Variants in CARF observed in about 807,000 individuals in gnomAD.
The protein encoded by CARF is calcium-responsive transcription factor.
A neutral mutation model predicts 82.0 loss-of-function variants in CARF; 57 were observed. The ratio of observed to expected loss-of-function variants is 0.70; its 90% CI spans 0.56 to 0.87. The LOEUF is 0.87. Ranked by LOEUF, CARF falls within the 40% of genes least tolerant of loss-of-function variation. The pLI, the probability that CARF is intolerant of heterozygous loss-of-function variation, is 0.00. For missense variants in CARF, 771 were observed against 855.8 expected (o/e 0.90, Z 1.24); for synonymous variants, 268 against 290.1 (o/e 0.92, Z 0.77).
chr2:202,946,221 A>G (rs1269355649), intron 5 of CARF, among the ~76,000 whole-genome samples: 1 of 152,228 alleles, frequency 6.6e-6, no homozygotes, highest in African/African-American at 2.4e-5. Flanking sequence ...ACAAAGCTAG[A>G]GGCATCATGT....
At chr2:202,942,691 TA>T (rs534752945) in intron 4 of CARF, 48 bp from the exon 5 acceptor site, 73 of 1,369,836 alleles carry the variant, frequency 5.3e-5, no homozygotes, top group Middle Eastern at 1.9e-4. Flanking sequence ...TACACATCTT[TA>T]AAAAAAATGG....
At chr2:202,945,597 A>G (rs1296029326) in intron 5 of CARF, among the ~76,000 whole-genome samples, 2 of 152,290 alleles carry the variant, frequency 1.3e-5, no homozygotes, top group East Asian at 3.9e-4. Flanking sequence ...TTTGCTAAGG[A>G]TAGTAGCCTC....
chr2:202,969,842 T>C (rs2059711134), intron 10 of CARF, 77 bp from the exon 11 acceptor site: 1 of 958,934 alleles, frequency 1.0e-6, no homozygotes, highest in Non-Finnish European at 1.5e-6. Flanking sequence ...ATGCTTAAAG[T>C]AGACTTCTGG....
Position 202,955,732 on chromosome 2 carries a change from T to G in CARF, c.616T>G (p.Trp206Gly). ...LQPLSSNTPI[W>G]ACRLRSCEKI... Reference sequence around the variant, plus strand: ...GCCACTTTCTTCTAATACACCTATATGGGCCTGCCGTCTTAGGAGCTGTGA... The same window carrying G: ...GCCACTTTCTTCTAATACACCTATAGGGGCCTGCCGTCTTAGGAGCTGTGA... Residue 206 changes from tryptophan to glycine, a missense_variant, in exon 8 of 17, where the codon TGG becomes GGG. By Grantham distance (184) the Trp-to-Gly change is radical (BLOSUM62 -2). Transcript: ENST00000438828. 6.2e-7 allele frequency: 1 copy of G among 1,612,358 alleles called. No homozygotes were observed. Among genetic ancestry groups the G allele is most frequent in the East Asian group, 2.2e-5 (1 of 44,752 alleles).
At chr2:202,921,507 A>T (rs1296839693) in intron 2 of CARF, among the ~76,000 whole-genome samples, 1 of 152,214 alleles carries the variant, frequency 6.6e-6, no homozygotes, top group East Asian at 1.9e-4. Flanking sequence ...CTGTGATATC[A>T]TGAAATAAAC....
At chr2:202,974,241 A>C in intron 12 of CARF, 93 bp from the exon 13 acceptor site, 1 of 864,996 alleles carries the variant, frequency 1.2e-6, no homozygotes, top group Non-Finnish European at 1.7e-6. Flanking sequence ...TACTTTATAG[A>C]AGTTTATACT....
chr2:202,928,445 C>T (rs1692264150), intron 3 of CARF, among the ~76,000 whole-genome samples: 1 of 152,118 alleles, frequency 6.6e-6, no homozygotes, highest in Non-Finnish European at 1.5e-5. Context: ...GGGAGTGCAG[C>T]TTTCTCCTTG....
At position 202,988,239 on chromosome 2, in the gene CARF, A is replaced by G. The variant is rs1210950542; in HGVS notation, c.*4615A>G. On this transcript the variant is annotated 3_prime_UTR_variant, in exon 17 of 17. Coordinates refer to ENST00000438828, the MANE Select transcript of CARF (RefSeq NM_024744.17). ...AATAGTTCTAGGCTATTATGAATAAAGTTTCCATGAACATCTATGTACAAG... is the reference window on the plus strand; with the variant it reads ...AATAGTTCTAGGCTATTATGAATAAGGTTTCCATGAACATCTATGTACAAG... Among the ~76,000 whole-genome samples, 3 of 152,216 alleles carry G rather than the reference A, an allele frequency of 2.0e-5. No homozygotes were observed. The highest frequency in any genetic ancestry group is 7.2e-5 in the African/African-American group (3 of 41,444).
chr2:202,939,674 T>C (rs956164068), intron 3 of CARF, among the ~76,000 whole-genome samples: 1 of 150,976 alleles, frequency 6.6e-6, no homozygotes, highest in Non-Finnish European at 1.5e-5. Flanking sequence ...ACTTACCCAT[T>C]GCCTTTTTTT....
chr2:202,913,011 T>G lies in CARF; in HGVS notation c.-421T>G, dbSNP rs1182282519. 1 of 152,250 alleles carries G rather than the reference T, an allele frequency of 6.6e-6. No homozygotes were observed. Among genetic ancestry groups the G allele is most frequent in the African/African-American group, 2.4e-5 (1 of 41,466 alleles). The allele number at this position is 152,250 out of a possible 1,614,324, so 9.4% of individuals were successfully genotyped here. A position where few individuals can be genotyped will look rare whatever the true frequency, so the allele number is the denominator to read the frequency against. ...GGAGGATGGATGGAGATAACTATCC[T>G]GATCCCAATGTCACTTTTTAAGGCA... On this transcript the variant is annotated 5_prime_UTR_variant, in exon 1 of 17. Coordinates refer to ENST00000438828, the MANE Select transcript of CARF (RefSeq NM_024744.17).
rs1226015107 is a variant in CARF at position 202,942,734 on chromosome 2, C to G, written c.79-6C>G. ...ACTGAAGTGATTTTTTTTTTCCTTA[C>G]AAAAGCATCTAATCTGTATGGACTC... is the stretch of plus-strand genomic sequence containing the variant. On this transcript the variant is annotated splice_region_variant and splice_polypyrimidine_tract_variant and intron_variant, in intron 4 of 16. Coordinates refer to ENST00000438828, the MANE Select transcript of CARF (RefSeq NM_024744.17). 3 of 1,548,288 alleles carry G rather than the reference C, an allele frequency of 1.9e-6. No homozygotes were observed. Among genetic ancestry groups the G allele is most frequent in the East Asian group, 2.3e-5 (1 of 43,162 alleles).
chr2:202,970,153 A>G (rs923180501), intron 11 of CARF, 91 bp downstream of exon 11: 1 of 1,202,170 alleles, frequency 8.3e-7, no homozygotes, highest in Non-Finnish European at 1.2e-6. Context: ...TTTTCCAACT[A>G]TTTCATTAAG....
At chr2:202,928,741 C>T (rs946544161) in intron 3 of CARF, among the ~76,000 whole-genome samples, 1 of 152,054 alleles carries the variant, frequency 6.6e-6, no homozygotes, top group African/African-American at 2.4e-5. Flanking sequence ...GATATATACC[C>T]GTTGACCATT....
rs1285744785 is a variant in CARF at position 202,941,806 on chromosome 2, C to G, written c.-43-54C>G. On this transcript the variant is annotated intron_variant, in intron 3 of 16. Coordinates refer to ENST00000438828, the MANE Select transcript of CARF (RefSeq NM_024744.17). ...TATGAGAGATTTGTTTAAGATAAAA[C>G]AGTCCACAAAAATACTAAGTGCTTT... The G allele has an allele frequency of 4.7e-6, 4 of 859,422 alleles. No homozygotes were observed. In the East Asian group the frequency reaches 1.1e-4, roughly 23 times the overall value. The allele number at this position is 859,422 out of a possible 1,614,324, so 53.2% of individuals were successfully genotyped here.
intron 3 of CARF, among the ~76,000 whole-genome samples, chr2:202,933,751 G>A (rs1693406340): frequency 6.6e-6 from 1 of 152,130 alleles, no homozygotes; most frequent in Non-Finnish European, 1.5e-5. Context: ...GGGCCATCTT[G>A]CTGATGTGAC....
chr2:202,974,441 A>G lies in CARF; in HGVS notation c.1439A>G (p.Gln480Arg). ...ATAAAAAATCACATCCATGAGGTAC[A>G]GAAATCCTTGAGAAATGGAGATACG... ...NDIKNHIHEV[Q>R]KSLRNGDTVY... is the part of the protein sequence containing the mutation. The change falls in exon 13 of 17, where the codon CAG (glutamine) becomes CGG (arginine). Residue 480 changes from glutamine (Q) to arginine (R), a missense_variant. Coordinates refer to ENST00000438828, the MANE Select transcript of CARF (RefSeq NM_024744.17). The G allele has an allele frequency of 2.5e-6, 4 of 1,607,646 alleles. No homozygotes were observed. Among genetic ancestry groups the G allele is most frequent in the Non-Finnish European group, 3.4e-6 (4 of 1,178,460 alleles).
chr2:202,941,760 A>G, intron 3 of CARF, 100 bp from the exon 4 acceptor site: 2 of 540,166 alleles, frequency 3.7e-6, no homozygotes. Flanking sequence ...CCTAAATTAT[A>G]TAGGGTACCA....
rs190953382 is a variant in CARF, at chr2:202,967,350, T to C, written c.953+252T>C. Among the ~76,000 whole-genome samples the C allele has an allele frequency of 1.2e-4, 19 of 152,308 alleles. No individual in the cohort carries two copies. The East Asian group carries it at 3.3e-3, about 26-fold the overall frequency. On this transcript the variant is annotated intron_variant, in intron 10 of 16. Transcript: ENST00000438828. ...AGATCTCCTTCTTTACCCCTATAAA[T>C]GTTGTTGAAAATCTCAGTAAAGCTC...
chr2:202,945,100 A>G (rs1252535281), intron 5 of CARF, among the ~76,000 whole-genome samples: 1 of 152,190 alleles, frequency 6.6e-6, no homozygotes, highest in Non-Finnish European at 1.5e-5. Flanking sequence ...GATCAGAGAG[A>G]GAATATTCCG....
Sources: allele counts gnomAD v4.1 joint callset (sites outside exome capture counted in the v4.1 genomes callset), GRCh38; gene constraint gnomAD v4.1.1; transcripts MANE v1.5; gene names NCBI Gene and HGNC (gene_info 2026-07-23, HGNC 2026-07-21).